Variants in RBFOX1 observed in about 807,000 individuals in gnomAD.
RBFOX1 encodes RNA binding protein fox-1 homolog 1.
RBFOX1 carries 8 observed loss-of-function variants against 57.7 expected under a neutral mutation model. The ratio of observed to expected loss-of-function variants is 0.14; its 90% CI spans 0.08 to 0.25. The LOEUF (loss-of-function observed/expected upper bound fraction) is 0.25. Among genes scored for constraint, RBFOX1 ranks in the 10% least tolerant of loss-of-function variants. The pLI, the probability that RBFOX1 is intolerant of heterozygous loss-of-function variation, is 1.00. For synonymous variants in RBFOX1, 326 were observed against 222.4 expected (o/e 1.47, Z -4.15); for missense variants, 611 against 548.5 (o/e 1.11, Z -1.14).
At chr16:6,772,979 G>A (rs575609673) in intron 3 of RBFOX1, among the ~76,000 whole-genome samples, 36 of 142,684 alleles carry the variant, frequency 2.5e-4, no homozygotes, top group African/African-American at 6.7e-4. Context: ...ATTTGTGTGC[G>A]TGTGTGTGGG....
Position 6,800,684 on chromosome 16 carries a change from A to C in RBFOX1, c.-16+146034A>C, listed in dbSNP as rs941932910. 5.3e-5 allele frequency among the ~76,000 whole-genome samples: 8 copies of C among 152,206 alleles called. No individual in the cohort carries two copies. The South Asian group carries it at 6.2e-4, about 12-fold the overall frequency. On this transcript the variant is annotated intron_variant, in intron 3 of 15. Transcript: ENST00000550418. ...AAATTTTTGCCTTTTAAATCACTGG[A>C]GTAGGCCCGTGGACGTTCAGTTTTT...
intron 5 of RBFOX1, among the ~76,000 whole-genome samples, chr16:7,522,973 CT>C (rs1217556269): frequency 2.0e-5 from 3 of 152,152 alleles, no homozygotes; most frequent in Non-Finnish European, 4.4e-5. Flanking sequence ...TTTTCTTGCT[CT>C]TTTTTGATCC....
At chr16:7,666,649 C>T (rs186994908) in intron 13 of RBFOX1, among the ~76,000 whole-genome samples, 4 of 152,096 alleles carry the variant, frequency 2.6e-5, no homozygotes, top group Non-Finnish European at 4.4e-5. Flanking sequence ...TAAGTGAGTG[C>T]GAGTGTGTGT....
intron 4 of RBFOX1, among the ~76,000 whole-genome samples, chr16:7,058,018 A>AAC (rs1254563475): frequency 6.6e-5 from 10 of 151,530 alleles, no homozygotes; most frequent in African/African-American, 2.4e-4. Context: ...AAAAAAAAAA[A>AAC]AAAACACGAA....
At chr16:6,552,791 T>G (rs1341936603) in intron 2 of RBFOX1, among the ~76,000 whole-genome samples, 1 of 151,976 alleles carries the variant, frequency 6.6e-6, no homozygotes, top group Non-Finnish European at 1.5e-5. Context: ...TACAATTATA[T>G]GTGGTATGTA....
At chr16:6,073,345 T>C (rs2095858915) in intron 1 of RBFOX1, among the ~76,000 whole-genome samples, 1 of 152,204 alleles carries the variant, frequency 6.6e-6, no homozygotes. Flanking sequence ...TAAAATTCTC[T>C]CTTGTATCTG....
At chr16:7,685,181 C>G (rs934353692) in intron 14 of RBFOX1, among the ~76,000 whole-genome samples, 2 of 152,080 alleles carry the variant, frequency 1.3e-5, no homozygotes, top group Non-Finnish European at 2.9e-5. Flanking sequence ...AGAGAACAAG[C>G]TTCTGTTCTA....
At chr16:5,820,455 A>G (rs17792965) in intron 3 of RBFOX1, among the ~76,000 whole-genome samples, 22,081 of 152,108 alleles carry the variant, frequency 0.15, 1,728 homozygotes, top group Non-Finnish European at 0.16. Context: ...GCCGGGATTG[A>G]TCAGCATTAG....
At chr16:6,884,866 C>G (rs560143086) in intron 3 of RBFOX1, among the ~76,000 whole-genome samples, 4 of 152,192 alleles carry the variant, frequency 2.6e-5, no homozygotes, top group Admixed American at 2.0e-4. Flanking sequence ...CCACTGCACT[C>G]CAGCCTGCAT....
intron 4 of RBFOX1, among the ~76,000 whole-genome samples, chr16:7,265,646 G>C (rs1294590117): frequency 6.6e-6 from 1 of 151,950 alleles, no homozygotes; most frequent in Non-Finnish European, 1.5e-5. Context: ...ACGAGTCTTC[G>C]CCATATTGGC....
At chr16:5,732,175 C>A (rs1011003730) in intron 3 of RBFOX1, among the ~76,000 whole-genome samples, 4 of 152,278 alleles carry the variant, frequency 2.6e-5, no homozygotes, top group Middle Eastern at 6.8e-3. Context: ...GAAATTGGCA[C>A]CTGCTGCATG....
In RBFOX1 at chr16:6,692,913, A is replaced by C. The variant is rs147962582; in HGVS notation, c.-16+38263A>C. Among the ~76,000 whole-genome samples the C allele has an allele frequency of 2.0e-4, 29 of 147,792 alleles. No homozygotes were observed. In the East Asian group the frequency reaches 5.4e-3, roughly 28 times the overall value. ...CACCATCATTATCAGCATCATCTTC[A>C]TAGTACTACCATCACCACCATTATT... On this transcript the variant is annotated intron_variant, in intron 3 of 15. Coordinates refer to ENST00000550418, the MANE Select transcript of RBFOX1 (RefSeq NM_018723.4).
intron 1 of RBFOX1, among the ~76,000 whole-genome samples, chr16:5,393,992 C>G (rs1310387144): frequency 6.6e-6 from 1 of 152,160 alleles, no homozygotes; most frequent in African/African-American, 2.4e-5. Context: ...TCGTGTCTGG[C>G]TGATTTCGCT....
At chr16:5,500,959 A>G (rs752134322) in intron 2 of RBFOX1, among the ~76,000 whole-genome samples, 1 of 152,212 alleles carries the variant, frequency 6.6e-6, no homozygotes, top group African/African-American at 2.4e-5. Flanking sequence ...GTGCCTCTTC[A>G]TGGGCAGGCA....
intron 1 of RBFOX1, among the ~76,000 whole-genome samples, chr16:6,086,166 T>G (rs1396113881): frequency 6.6e-6 from 1 of 152,212 alleles, no homozygotes; most frequent in East Asian, 1.9e-4. Context: ...TTCCTTTTTA[T>G]GGCTGCATAG....
chr16:7,012,444 A>G (rs12449060), intron 3 of RBFOX1, among the ~76,000 whole-genome samples: 16,852 of 152,196 alleles, frequency 0.11, 1,066 homozygotes, highest in East Asian at 0.17. Flanking sequence ...GGAGCCTTCA[A>G]TCATAGATGA....
intron 2 of RBFOX1, among the ~76,000 whole-genome samples, chr16:6,605,825 C>A (rs929324154): frequency 6.6e-6 from 1 of 152,116 alleles, no homozygotes; most frequent in Admixed American, 6.6e-5. Context: ...CCTGGCAGGC[C>A]ACAGTGGCTC....
chr16:7,200,404 C>G (rs1364644520), intron 4 of RBFOX1, among the ~76,000 whole-genome samples: 1 of 152,170 alleles, frequency 6.6e-6, no homozygotes, highest in Non-Finnish European at 1.5e-5. Flanking sequence ...GAAAATATAA[C>G]CCACAACTGT....
intron 2 of RBFOX1, among the ~76,000 whole-genome samples, chr16:5,533,356 A>G (rs892455551): frequency 2.2e-4 from 34 of 152,316 alleles, no homozygotes; most frequent in African/African-American, 4.6e-4. Flanking sequence ...GGTGCCCCCA[A>G]TAAATATTCC....
Sources: allele counts gnomAD v4.1 joint callset (sites outside exome capture counted in the v4.1 genomes callset), GRCh38; gene constraint gnomAD v4.1.1; transcripts MANE v1.5; gene names NCBI Gene and HGNC (gene_info 2026-07-23, HGNC 2026-07-21).